ACACA: variants seen among roughly 807,000 people sequenced by gnomAD.
The protein encoded by ACACA is acetyl-CoA carboxylase alpha.
In ACACA, 103 loss-of-function variants were observed where a neutral mutation model predicts 296.1. The observed-to-expected ratio is 0.35, with a 90% CI of 0.30 to 0.41. The LOEUF (loss-of-function observed/expected upper bound fraction) is 0.41, where lower values mean the gene tolerates loss of function less well. ACACA is among the 10% of genes least tolerant of loss of function. The probability of loss-of-function intolerance (pLI) is 1.00; values close to 1 mark genes in which losing one functional copy is unlikely to be tolerated. For synonymous variants in ACACA, 953 were observed against 1,038.6 expected (o/e 0.92, Z 1.58); for missense variants, 1,554 against 2,989.7 (o/e 0.52, Z 11.20).
chr17:37,123,680 C>T (rs1375226622), intron 48 of ACACA, among the ~76,000 whole-genome samples: 1 of 152,084 alleles, frequency 6.6e-6, no homozygotes, highest in Admixed American at 6.6e-5. Flanking sequence ...ACCACCCACC[C>T]CCTTGTCACT....
intron 1 of ACACA, among the ~76,000 whole-genome samples, chr17:37,344,605 C>T (rs1267456226): frequency 2.0e-5 from 3 of 151,720 alleles, no homozygotes; most frequent in African/African-American, 7.3e-5. Flanking sequence ...AAAGGCATAA[C>T]CCACAAAAAG....
chr17:37,390,022 A>G (rs2050723588), intron 1 of ACACA, among the ~76,000 whole-genome samples: 2 of 145,404 alleles, frequency 1.4e-5, no homozygotes, highest in African/African-American at 5.1e-5. Context: ...CTGATTCATC[A>G]TGCCTGCAAT....
At position 37,377,801 on chromosome 17, in the gene ACACA, T is replaced by TA. The variant is rs542455492; in HGVS notation, c.38+28460dup. On this transcript the variant is annotated intron_variant, in intron 1 of 55. Coordinates refer to ENST00000616317, the MANE Select transcript of ACACA (RefSeq NM_198834.3). ...ATATCTTCTCCATTGCCCAGAATTC[T>TA]AAAAAGTAAGTACCAGTAAATTCTG... The TA allele has an allele frequency of 2.8e-4, 341 of 1,217,164 alleles. No individual in the cohort carries two copies. The African/African-American group carries it at 4.6e-3, about 17-fold the overall frequency. 75.4% of individuals were successfully genotyped at this position (1,217,164 alleles called of 1,614,324 possible).
chr17:37,149,876 T>G lies in ACACA; in HGVS notation c.5667A>C (p.Gly1889=), dbSNP rs1349105959. 2 of 1,613,976 alleles carry G rather than the reference T, an allele frequency of 1.2e-6. No individual in the cohort carries two copies. The highest frequency in any genetic ancestry group is 1.7e-6 in the Non-Finnish European group (2 of 1,179,948). The change falls in exon 45 of 56, where the codon GGA becomes GGC. Residue 1889 remains glycine, a synonymous_variant. Transcript: ENST00000616317. Reference sequence around the variant, plus strand: ...CCTAGAAACTTACTTTGTTGAGGGCTCCAGCTCCTGTTAGAATTAAGTGAG... The same window carrying G: ...CCTAGAAACTTACTTTGTTGAGGGCGCCAGCTCCTGTTAGAATTAAGTGAG... ...ENSHLILTGA[G]ALNKVLGREV... is the part of the protein sequence containing the mutation.
intron 52 of ACACA, among the ~76,000 whole-genome samples, chr17:37,106,903 T>C (rs2073720407): frequency 1.3e-5 from 2 of 152,044 alleles, no homozygotes; most frequent in Non-Finnish European, 2.9e-5. Flanking sequence ...ATAAATACAA[T>C]CAGATTAAAG....
intron 1 of ACACA, among the ~76,000 whole-genome samples, chr17:37,382,688 C>T (rs1281644198): frequency 6.6e-6 from 1 of 152,044 alleles, no homozygotes; most frequent in Non-Finnish European, 1.5e-5. Flanking sequence ...GGTAAAACCT[C>T]GTCTCTACTA....
intron 1 of ACACA, among the ~76,000 whole-genome samples, chr17:37,364,552 C>T (rs2049535723): frequency 6.8e-6 from 1 of 147,358 alleles, no homozygotes. Context: ...CAACAGGCCA[C>T]TGCACTCCAG....
chr17:37,364,383 C>T (rs1302097797), intron 1 of ACACA, among the ~76,000 whole-genome samples: 1 of 152,040 alleles, frequency 6.6e-6, no homozygotes, highest in Non-Finnish European at 1.5e-5. Flanking sequence ...CACCTGAGGT[C>T]AGGAGTTCGA....
intron 1 of ACACA, among the ~76,000 whole-genome samples, chr17:37,377,655 G>A (rs993388730): frequency 2.2e-4 from 30 of 135,172 alleles, no homozygotes; most frequent in Non-Finnish European, 4.1e-4. Flanking sequence ...GTGAGACTCC[G>A]TCTCAATAAA....
chr17:37,179,983 C>A (rs908369706), intron 40 of ACACA, among the ~76,000 whole-genome samples: 2 of 152,086 alleles, frequency 1.3e-5, no homozygotes, highest in Admixed American at 1.3e-4. Context: ...ACAGACATAC[C>A]AATTCATTTA....
intron 9 of ACACA, among the ~76,000 whole-genome samples, chr17:37,273,757 C>G (rs2082161822): frequency 6.6e-6 from 1 of 152,222 alleles, no homozygotes; most frequent in South Asian, 2.1e-4. Context: ...ATCAACATCT[C>G]TGTTCATAAT....
chr17:37,214,351 T>C (rs374681443), intron 29 of ACACA, among the ~76,000 whole-genome samples: 1 of 152,206 alleles, frequency 6.6e-6, no homozygotes, highest in East Asian at 1.9e-4. Flanking sequence ...TAGTTTACAA[T>C]AAAATGATCA....
At chr17:37,232,297 C>T (rs2079898164) in intron 25 of ACACA, among the ~76,000 whole-genome samples, 3 of 152,186 alleles carry the variant, frequency 2.0e-5, no homozygotes, top group Admixed American at 2.0e-4. Context: ...GAATGGAATA[C>T]TGGGCACATA....
intron 3 of ACACA, among the ~76,000 whole-genome samples, chr17:37,297,419 C>A (rs1351414215): frequency 1.4e-5 from 2 of 141,082 alleles, no homozygotes; most frequent in African/African-American, 5.5e-5. Context: ...CTAGCATGGG[C>A]GACAAAAGTG....
At chr17:37,110,560 C>T (rs1263999745) in intron 52 of ACACA, among the ~76,000 whole-genome samples, 2 of 152,188 alleles carry the variant, frequency 1.3e-5, no homozygotes, top group South Asian at 4.1e-4. Context: ...GTTTGGCAGG[C>T]AACCTGGCTC....
chr17:37,328,074 T>C (rs922070450), intron 3 of ACACA, among the ~76,000 whole-genome samples: 5 of 152,208 alleles, frequency 3.3e-5, no homozygotes, highest in Non-Finnish European at 5.9e-5. Context: ...AACCCAGAGA[T>C]AATGCTTTGT....
chr17:37,298,874 A>C (rs1457122501), intron 3 of ACACA, among the ~76,000 whole-genome samples: 1 of 152,218 alleles, frequency 6.6e-6, no homozygotes, highest in Non-Finnish European at 1.5e-5. Context: ...CCAGACACAC[A>C]TTCTAAAAAA....
intron 3 of ACACA, chr17:37,299,307 T>G: frequency 5.0e-6 from 8 of 1,614,050 alleles, no homozygotes; most frequent in Non-Finnish European, 6.8e-6. Context: ...TCTCATTTCC[T>G]TATTTTCCTC....
chr17:37,349,643 G>A (rs2048803964), intron 1 of ACACA, among the ~76,000 whole-genome samples: 1 of 148,054 alleles, frequency 6.8e-6, no homozygotes, highest in African/African-American at 2.5e-5. Context: ...TGCAACCTCC[G>A]CCTCCCAGGT....
Sources: allele counts gnomAD v4.1 joint callset (sites outside exome capture counted in the v4.1 genomes callset), GRCh38; gene constraint gnomAD v4.1.1; transcripts MANE v1.5; gene names NCBI Gene and HGNC (gene_info 2026-07-23, HGNC 2026-07-21).